Variants in DCC observed in about 807,000 individuals in gnomAD.
DCC encodes the protein DCC netrin 1 receptor.
DCC carries 58 observed loss-of-function variants against 172.5 expected under a neutral mutation model. The ratio of observed to expected loss-of-function variants is 0.34; its 90% CI spans 0.27 to 0.42. The LOEUF (loss-of-function observed/expected upper bound fraction) is 0.42, where lower values mean the gene tolerates loss of function less well. Ranked by LOEUF, DCC falls within the 10% of genes least tolerant of loss-of-function variation. The pLI, the probability that DCC is intolerant of heterozygous loss-of-function variation, is 1.00. For missense variants in DCC, 1,740 were observed against 1,791.0 expected, an observed-to-expected ratio of 0.97 and a Z score of 0.51; for synonymous variants, 709 against 644.5, an observed-to-expected ratio of 1.10 and a Z score of -1.52.
intron 7 of DCC, among the ~76,000 whole-genome samples, chr18:53,089,581 AAAAAACC>A (rs199510178): frequency 0.055 from 5,969 of 107,750 alleles, 365 homozygotes; most frequent in African/African-American, 0.18. Context: ...CTAACTAAAA[AAAAAACC>A]AAAAAACAAA....
intron 8 of DCC, among the ~76,000 whole-genome samples, chr18:53,170,726 T>C (rs1242889284): frequency 3.3e-5 from 5 of 152,324 alleles, no homozygotes; most frequent in East Asian, 1.9e-4. Flanking sequence ...CTTTCAGACA[T>C]TGTGATACAA....
At position 52,465,450 on chromosome 18, in the gene DCC, C is replaced by A. The variant is rs571882318; in HGVS notation, c.91+124572C>A. On this transcript the variant is annotated intron_variant, in intron 1 of 28. Coordinates refer to ENST00000442544, the MANE Select transcript of DCC (RefSeq NM_005215.4). ...TGTCACAGCAAGTGTGCTCAGCTCA[C>A]CATGGACCTTTATTTCCTGAGTCTC... 4.6e-5 allele frequency among the ~76,000 whole-genome samples: 7 copies of A among 152,274 alleles called. No homozygotes were observed. The South Asian group carries it at 1.5e-3, about 32-fold the overall frequency.
At chr18:52,631,836 T>C (rs2034682946) in intron 1 of DCC, among the ~76,000 whole-genome samples, 1 of 151,882 alleles carries the variant, frequency 6.6e-6, no homozygotes, top group East Asian at 1.9e-4. Context: ...GAGGTCGAGT[T>C]CATTTTAGAG....
chr18:52,533,129 C>T (rs1015325226), intron 1 of DCC, among the ~76,000 whole-genome samples: 1 of 152,002 alleles, frequency 6.6e-6, no homozygotes, highest in Non-Finnish European at 1.5e-5. Context: ...GTCATATGTA[C>T]CCTTTACCCT....
At chr18:52,975,070 A>G (rs2041095123) in intron 5 of DCC, among the ~76,000 whole-genome samples, 1 of 152,206 alleles carries the variant, frequency 6.6e-6, no homozygotes, top group South Asian at 2.1e-4. Context: ...CCTTCAAGCC[A>G]TCATTGTTGA....
intron 1 of DCC, among the ~76,000 whole-genome samples, chr18:52,638,312 G>T (rs12605135): frequency 0.094 from 14,205 of 151,846 alleles, 788 homozygotes; most frequent in East Asian, 0.17. Context: ...GCAACAAAGA[G>T]CATGATGAAT....
intron 12 of DCC, among the ~76,000 whole-genome samples, chr18:53,243,857 A>G (rs1366738673): frequency 2.6e-5 from 4 of 152,154 alleles, no homozygotes; most frequent in Non-Finnish European, 5.9e-5. Context: ...CTTTCTTTTT[A>G]TTAAATATTT....
At chr18:53,361,202 C>T (rs1312265429) in intron 15 of DCC, among the ~76,000 whole-genome samples, 2 of 152,108 alleles carry the variant, frequency 1.3e-5, no homozygotes, top group Non-Finnish European at 2.9e-5. Context: ...TCTCATAGGC[C>T]TTCAGGGACC....
intron 12 of DCC, among the ~76,000 whole-genome samples, chr18:53,270,331 T>C (rs2056734560): frequency 2.6e-5 from 4 of 152,244 alleles, no homozygotes; most frequent in Middle Eastern, 3.4e-3. Context: ...TTAACTATAG[T>C]AAGGAATTCC....
intron 22 of DCC, among the ~76,000 whole-genome samples, chr18:53,436,099 C>T (rs185223984): frequency 3.2e-4 from 48 of 152,252 alleles, no homozygotes; most frequent in Non-Finnish European, 5.6e-4. Flanking sequence ...TTCTCACATG[C>T]TTCTTAACAC....
At chr18:53,411,128 T>G in intron 20 of DCC, among the ~76,000 whole-genome samples, 1 of 117,754 alleles carries the variant, frequency 8.5e-6, no homozygotes, top group African/African-American at 2.6e-5. Flanking sequence ...AGGTAGAAAC[T>G]ATAAAAAAGT....
intron 1 of DCC, among the ~76,000 whole-genome samples, chr18:52,594,122 T>C (rs532608984): frequency 6.6e-6 from 1 of 152,298 alleles, no homozygotes; most frequent in South Asian, 2.1e-4. Context: ...GAGAAAAGGC[T>C]ATAATAAGTC....
intron 12 of DCC, among the ~76,000 whole-genome samples, chr18:53,235,414 CAAG>C (rs2056186779): frequency 6.6e-6 from 1 of 152,096 alleles, no homozygotes; most frequent in Non-Finnish European, 1.5e-5. Flanking sequence ...AGTAGAGTTA[CAAG>C]AAGAAAGAAC....
At chr18:52,353,970 A>G (rs533759816) in intron 1 of DCC, among the ~76,000 whole-genome samples, 8 of 152,350 alleles carry the variant, frequency 5.3e-5, no homozygotes, top group African/African-American at 1.7e-4. Flanking sequence ...CGAAACATGC[A>G]TTTTATAAAC....
intron 20 of DCC, among the ~76,000 whole-genome samples, chr18:53,415,123 C>T (rs747757703): frequency 1.3e-5 from 2 of 152,112 alleles, no homozygotes; most frequent in African/African-American, 2.4e-5. Flanking sequence ...GAAGGACCAC[C>T]ACCTGTAGGG....
At chr18:52,498,729 G>A (rs1320042633) in intron 1 of DCC, among the ~76,000 whole-genome samples, 2 of 152,080 alleles carry the variant, frequency 1.3e-5, no homozygotes, top group Non-Finnish European at 1.5e-5. Flanking sequence ...GCACAGTCTG[G>A]TTCTGATTTC....
At chr18:53,483,079 C>T (rs966478333) in intron 25 of DCC, among the ~76,000 whole-genome samples, 2 of 151,878 alleles carry the variant, frequency 1.3e-5, no homozygotes, top group African/African-American at 4.8e-5. Flanking sequence ...ATCTCTAGCA[C>T]TGTCCTAGAA....
chr18:52,928,272 A>G (rs2040250259), intron 5 of DCC, among the ~76,000 whole-genome samples: 1 of 152,096 alleles, frequency 6.6e-6, no homozygotes, highest in Admixed American at 6.6e-5. Flanking sequence ...CCAATGTGGG[A>G]CACTGGGGCC....
intron 3 of DCC, among the ~76,000 whole-genome samples, chr18:52,912,759 G>A (rs1049493512): frequency 3.3e-5 from 5 of 151,866 alleles, no homozygotes; most frequent in African/African-American, 4.8e-5. Context: ...AAGGGTGGAC[G>A]ACATCAGCGT....
Sources: gnomAD v4.1 joint callset for allele counts (sites outside exome capture counted in the v4.1 genomes callset) on GRCh38, gnomAD v4.1.1 for gene constraint, MANE v1.5 for transcripts, NCBI Gene and HGNC (gene_info 2026-07-23, HGNC 2026-07-21) for gene names.